Variants in FAM25G observed in about 807,000 individuals in gnomAD.
FAM25G encodes the protein protein FAM25G.
In FAM25G, 3 loss-of-function variants were observed where a neutral mutation model predicts 6.4. The observed-to-expected ratio is 0.47, with a 90% CI of 0.21 to 1.21. The LOEUF is 1.21. Ranked by LOEUF, FAM25G falls within the 50% of genes most tolerant of loss-of-function variation. The pLI is 0.22. For missense variants in FAM25G, 34 were observed against 76.0 expected, an observed-to-expected ratio of 0.45 and a Z score of 2.06; for synonymous variants, 15 against 31.3, an observed-to-expected ratio of 0.48 and a Z score of 1.74.
In FAM25G at chr10:47,487,404, A is replaced by G; in HGVS notation, c.141T>C (p.Ile47=). The change falls in exon 3 of 3, where the codon ATT becomes ATC. Residue 47 remains isoleucine, a synonymous_variant. Coordinates refer to ENST00000452267, the MANE Select transcript of FAM25G (RefSeq NM_001137549.2). ...GHAKETGEKA[I]AEAIKKAQES... ...CCTGGGCTTTCTTTATGGCTTCAGC[A>G]ATGGCTGTTGGAAAGAGGAAGAATG... The G allele has an allele frequency of 9.2e-7, 1 of 1,089,248 alleles. No homozygotes were observed. Among genetic ancestry groups the G allele is most frequent in the Non-Finnish European group, 1.3e-6 (1 of 782,922 alleles). 67.5% of individuals were successfully genotyped at this position (1,089,248 alleles called of 1,614,324 possible).
At position 47,491,660 on chromosome 10, in the gene FAM25G, C is replaced by T. The variant is rs1426898008; in HGVS notation, c.15G>A (p.Leu5=). Residue 5 remains leucine, a synonymous_variant, in exon 1 of 3, where the codon CTG becomes CTA. Transcript: ENST00000452267. ...CCAGGCCCTCGGCAGCCAGCTTCCC[C>T]AGGCCTCCCAGCATCGTGTGGCAGC... MLGG[L]GKLAAEGLAH... 2.0e-4 allele frequency: 310 copies of T among 1,539,804 alleles called. 7 individuals carry two copies. The African/African-American group carries it at 3.6e-3, about 18-fold the overall frequency.
intron 1 of FAM25G, among the ~76,000 whole-genome samples, chr10:47,490,636 C>T (rs1348739481): frequency 4.2e-5 from 6 of 142,834 alleles, no homozygotes; most frequent in Non-Finnish European, 9.4e-5. Context: ...CTCAGCTTTT[C>T]TCCCAACGCT....
chr10:47,490,122 G>T (rs1424848267), intron 1 of FAM25G, among the ~76,000 whole-genome samples: 5 of 149,004 alleles, frequency 3.4e-5, no homozygotes, highest in African/African-American at 1.2e-4. Context: ...GCCTGCCTCA[G>T]GTTGGTTTCC....
intron 2 of FAM25G, among the ~76,000 whole-genome samples, chr10:47,488,723 T>A (rs1555223841): frequency 3.5e-5 from 4 of 115,386 alleles, no homozygotes; most frequent in African/African-American, 1.4e-4. Flanking sequence ...ATTTTTTTTT[T>A]TTTTTTTTTT....
rs1203553586 is a variant in FAM25G, at chr10:47,487,347, G to A, written c.198C>T (p.Thr66=). ...ESGDKKMKEI[T]ETVTNTVTNA... ...TTGTGACTGTGTTGGTCACTGTCTC[G>A]GTGATTTCCTTCATCTTTTTGTCCC... The change falls in exon 3 of 3, where the codon ACC becomes ACT. Residue 66 remains threonine, a synonymous_variant. Coordinates refer to ENST00000452267, the MANE Select transcript of FAM25G (RefSeq NM_001137549.2). 7.4e-5 allele frequency: 54 copies of A among 726,210 alleles called. No homozygotes were observed. Among genetic ancestry groups the A allele is most frequent in the Non-Finnish European group, 1.0e-4 (48 of 458,844 alleles). The allele number at this position is 726,210 out of a possible 1,614,324, so 45.0% of individuals were successfully genotyped here.
At chr10:47,488,843 T>G (rs1840093783) in intron 2 of FAM25G, among the ~76,000 whole-genome samples, 1 of 138,988 alleles carries the variant, frequency 7.2e-6, no homozygotes, top group Non-Finnish European at 1.5e-5. Flanking sequence ...TTCTCCTGCC[T>G]CAGCCTCCCG....
chr10:47,487,455 G>T, intron 2 of FAM25G, 47 bp from the exon 3 acceptor site: 8 of 740,934 alleles, frequency 1.1e-5, no homozygotes, highest in Non-Finnish European at 1.7e-5. Flanking sequence ...TGCTGAACTT[G>T]TGTCCCCTTG....
At chr10:47,489,218 C>T (rs1237113311) in intron 2 of FAM25G, among the ~76,000 whole-genome samples, 1 of 137,052 alleles carries the variant, frequency 7.3e-6, no homozygotes, top group Non-Finnish European at 1.6e-5. Context: ...CGGGGTTTCA[C>T]CGTGTTAGCC....
rs1840093988 is a variant in FAM25G at position 47,488,848 on chromosome 10, C to T, written c.136+738G>A. 2.1e-5 allele frequency among the ~76,000 whole-genome samples: 3 copies of T among 146,048 alleles called. No individual in the cohort carries two copies. The South Asian group carries it at 6.7e-4, about 32-fold the overall frequency. ...GTTCACGCCATTCTCCTGCCTCAGC[C>T]TCCCGAGTAGCTAGGACTACAGGTG... is the stretch of plus-strand genomic sequence containing the variant. On this transcript the variant is annotated intron_variant, in intron 2 of 2. Coordinates refer to ENST00000452267, the MANE Select transcript of FAM25G (RefSeq NM_001137549.2).
chr10:47,488,713 ATTTTTTTTT>A (rs1160121365), intron 2 of FAM25G, among the ~76,000 whole-genome samples: 12 of 62,118 alleles, frequency 1.9e-4, no homozygotes, highest in East Asian at 6.6e-4. Flanking sequence ...TACATGTTAA[ATTTTTTTTT>A]TTTTTTTTTT....
rs1289876347 is a variant in FAM25G at position 47,487,934 on chromosome 10, T to C, written c.137-526A>G. Among the ~76,000 whole-genome samples the C allele has an allele frequency of 1.0e-3, 152 of 151,336 alleles. 3 individuals are homozygous for C. The highest frequency in any genetic ancestry group is 3.6e-3 in the African/African-American group (149 of 41,060). ...TATTACTATGTCTAAATGTTTACGATGTCTTCCCCCTCAAAACTCATATGC... is the reference window on the plus strand; with the variant it reads ...TATTACTATGTCTAAATGTTTACGACGTCTTCCCCCTCAAAACTCATATGC... On this transcript the variant is annotated intron_variant, in intron 2 of 2. Coordinates refer to ENST00000452267, the MANE Select transcript of FAM25G (RefSeq NM_001137549.2).
At chr10:47,488,712 AATTTTTTTTTTTTTTT>A (rs1460726172) in intron 2 of FAM25G, among the ~76,000 whole-genome samples, 3 of 95,954 alleles carry the variant, frequency 3.1e-5, no homozygotes, top group African/African-American at 1.2e-4. Context: ...TTACATGTTA[AATTTTTTTTTTTTTTT>A]TTTTTTTTTT....
intron 1 of FAM25G, chr10:47,490,156 G>A (rs1458023750): frequency 5.1e-6 from 1 of 196,384 alleles, no homozygotes; most frequent in Non-Finnish European, 1.1e-5. Context: ...CTAAGACCAG[G>A]TCTCTCAAAG....
chr10:47,487,979 G>T (rs1840076994), intron 2 of FAM25G, among the ~76,000 whole-genome samples: 2 of 149,628 alleles, frequency 1.3e-5, no homozygotes, highest in Admixed American at 1.3e-4. Context: ...CAGTCTTAAT[G>T]TAATGATATT....
intron 1 of FAM25G, among the ~76,000 whole-genome samples, chr10:47,490,063 C>T (rs1359402088): frequency 6.7e-6 from 1 of 149,900 alleles, no homozygotes; most frequent in Non-Finnish European, 1.5e-5. Context: ...GACATGAAGC[C>T]CAGGCTGGGC....
At chr10:47,489,163 A>AC (rs1840102220) in intron 2 of FAM25G, among the ~76,000 whole-genome samples, 1 of 147,200 alleles carries the variant, frequency 6.8e-6, no homozygotes, top group Admixed American at 6.8e-5. Flanking sequence ...GACTATAGGC[A>AC]CCCACCACCA....
At chr10:47,487,791 T>C (rs1258502408) in intron 2 of FAM25G, among the ~76,000 whole-genome samples, 4 of 147,400 alleles carry the variant, frequency 2.7e-5, no homozygotes, top group Admixed American at 6.8e-5. Flanking sequence ...TTTTTGGCTA[T>C]AGAAAATTTC....
intron 2 of FAM25G, among the ~76,000 whole-genome samples, 196 bp downstream of exon 2, chr10:47,489,390 A>G (rs1359759996): frequency 1.3e-5 from 2 of 150,860 alleles, no homozygotes; most frequent in African/African-American, 2.4e-5. Flanking sequence ...CACAGAGAGA[A>G]CCATCTAGAC....
intron 1 of FAM25G, chr10:47,490,461 G>A (rs1238418281): frequency 3.9e-5 from 6 of 152,506 alleles, no homozygotes; most frequent in East Asian, 2.0e-4. Context: ...CGAAGGCCCC[G>A]AGTTCTGGGA....
Sources: allele counts gnomAD v4.1 joint callset (sites outside exome capture counted in the v4.1 genomes callset), GRCh38; gene constraint gnomAD v4.1.1; transcripts MANE v1.5; gene names NCBI Gene and HGNC (gene_info 2026-07-23, HGNC 2026-07-21).